Variants in PKP4 observed in about 807,000 individuals in gnomAD.
PKP4 encodes plakophilin-4.
PKP4 carries 90 observed loss-of-function variants against 145.1 expected under a neutral mutation model. The ratio of observed to expected loss-of-function variants is 0.62; its 90% CI spans 0.52 to 0.74. PKP4 has a LOEUF of 0.74. PKP4 is among the 30% of genes least tolerant of loss of function. The pLI is 0.00. For synonymous variants in PKP4, 563 were observed against 577.2 expected (o/e 0.98, Z 0.35); for missense variants, 1,340 against 1,482.7 (o/e 0.90, Z 1.58).
In PKP4 at chr2:158,515,353, G is replaced by T. The variant is rs191807649; in HGVS notation, c.-5-17827G>T. On this transcript the variant is annotated intron_variant, in intron 1 of 21. Coordinates refer to ENST00000389759, the MANE Select transcript of PKP4 (RefSeq NM_003628.6). ...AGAAATTTAAGCCTGGTATGGTGAT[G>T]TGCATCTGTAGTCCCAGCCTACTTG... is the stretch of plus-strand genomic sequence containing the variant. 2.7e-3 allele frequency among the ~76,000 whole-genome samples: 414 copies of T among 152,180 alleles called. 1 individual carries two copies. The highest frequency in any genetic ancestry group is 6.1e-3 in the Admixed American group (94 of 15,286).
chr2:158,640,895 T>C (rs1281742756), intron 10 of PKP4, 136 bp downstream of exon 10: 2 of 895,774 alleles, frequency 2.2e-6, no homozygotes, highest in East Asian at 2.5e-5. Flanking sequence ...CCAGATACTC[T>C]TTCACTTAAC....
chr2:158,666,260 T>G (rs777797424), intron 15 of PKP4, among the ~76,000 whole-genome samples, 153 bp from the exon 16 acceptor site: 11 of 152,248 alleles, frequency 7.2e-5, no homozygotes, highest in Non-Finnish European at 1.5e-4. Flanking sequence ...AACTTTGGTT[T>G]TCTCTTCACT....
chr2:158,611,478 C>T (rs1001224782), intron 4 of PKP4, among the ~76,000 whole-genome samples: 3 of 152,222 alleles, frequency 2.0e-5, no homozygotes, highest in South Asian at 2.1e-4. Context: ...ACATCAATAC[C>T]GAAGATAAAT....
intron 2 of PKP4, among the ~76,000 whole-genome samples, chr2:158,566,366 A>G (rs1332329508): frequency 6.6e-6 from 1 of 152,088 alleles, no homozygotes; most frequent in Admixed American, 6.6e-5. Context: ...TTAGTTTTCC[A>G]TTTCAGCAAA....
intron 2 of PKP4, among the ~76,000 whole-genome samples, chr2:158,537,503 A>G (rs2044152474): frequency 2.0e-5 from 3 of 152,236 alleles, no homozygotes; most frequent in Non-Finnish European, 4.4e-5. Flanking sequence ...GGGAATAACA[A>G]AGTAATGTGA....
intron 3 of PKP4, among the ~76,000 whole-genome samples, chr2:158,583,601 T>C (rs2048525731): frequency 6.6e-6 from 1 of 152,336 alleles, no homozygotes; most frequent in Admixed American, 6.5e-5. Flanking sequence ...CTAGCACTTT[T>C]GGTATACAGT....
chr2:158,526,719 T>G (rs1407691350), intron 1 of PKP4, among the ~76,000 whole-genome samples: 4 of 84,926 alleles, frequency 4.7e-5, no homozygotes, highest in Admixed American at 3.1e-4. Flanking sequence ...ACGACATGAT[T>G]GTTTATCTAG....
At chr2:158,652,028 C>T (rs2055415401) in intron 11 of PKP4, among the ~76,000 whole-genome samples, 1 of 152,114 alleles carries the variant, frequency 6.6e-6, no homozygotes, top group Admixed American at 6.5e-5. Context: ...AGCATCTCTG[C>T]CAGCGCTGTT....
chr2:158,478,074 A>G (rs1692772456), intron 1 of PKP4, among the ~76,000 whole-genome samples: 1 of 152,200 alleles, frequency 6.6e-6, no homozygotes, highest in Admixed American at 6.5e-5. Context: ...GGCAAAGGTT[A>G]GAGATCTTAA....
At chr2:158,570,954 T>C (rs2047367123) in intron 2 of PKP4, among the ~76,000 whole-genome samples, 1 of 152,060 alleles carries the variant, frequency 6.6e-6, no homozygotes, top group African/African-American at 2.4e-5. Context: ...CATAGAGGAT[T>C]CCAGAGAGAA....
chr2:158,514,620 C>G (rs1161856851), intron 1 of PKP4, among the ~76,000 whole-genome samples: 1 of 151,660 alleles, frequency 6.6e-6, no homozygotes, highest in African/African-American at 2.4e-5. Flanking sequence ...GGTTTTTTTT[C>G]TTTTACTCTA....
chr2:158,548,794 C>A, intron 2 of PKP4: 1 of 259,722 alleles, frequency 3.9e-6, no homozygotes, highest in Non-Finnish European at 7.5e-6. Flanking sequence ...AAGAAAGCTG[C>A]CAGCAAAGGG....
At position 158,541,050 on chromosome 2, in the gene PKP4, T is replaced by TGA. The variant is rs796412784; in HGVS notation, c.132+7738_132+7739dup. 5.3e-5 allele frequency among the ~76,000 whole-genome samples: 8 copies of TGA among 152,260 alleles called. No individual in the cohort carries two copies. In the South Asian group the frequency reaches 1.5e-3, roughly 28 times the overall value. ...TGCTGAGTTGATGAGATTAAATGGA[T>TGA]GAGAGGATTATTCAGCATTGAATTC... is the stretch of plus-strand genomic sequence containing the variant. On this transcript the variant is annotated intron_variant, in intron 2 of 21. Coordinates refer to ENST00000389759, the MANE Select transcript of PKP4 (RefSeq NM_003628.6).
chr2:158,488,937 A>T (rs1694549523), intron 1 of PKP4, among the ~76,000 whole-genome samples: 3 of 152,202 alleles, frequency 2.0e-5, no homozygotes, highest in African/African-American at 7.2e-5. Context: ...TGTGTCTTCA[A>T]AAGATGTGTC....
intron 10 of PKP4, among the ~76,000 whole-genome samples, chr2:158,641,038 A>G (rs971070592): frequency 4.6e-5 from 7 of 152,168 alleles, no homozygotes; most frequent in Non-Finnish European, 7.4e-5. Context: ...TTTAACTTGC[A>G]TTTAAAAAAT....
chr2:158,496,288 A>G (rs373774623), intron 1 of PKP4, among the ~76,000 whole-genome samples: 1 of 152,188 alleles, frequency 6.6e-6, no homozygotes, highest in Admixed American at 6.5e-5. Context: ...GCCCAAAAAT[A>G]TTTTAAATAG....
At chr2:158,649,177 A>G (rs2055112151) in intron 11 of PKP4, among the ~76,000 whole-genome samples, 1 of 152,172 alleles carries the variant, frequency 6.6e-6, no homozygotes, top group African/African-American at 2.4e-5. Flanking sequence ...AAAGAACCCT[A>G]AAGAAATCTC....
Position 158,621,043 on chromosome 2 carries a change from A to G in PKP4, c.334A>G (p.Asn112Asp). 2 of 1,614,156 alleles carry G rather than the reference A, an allele frequency of 1.2e-6. No homozygotes were observed. The highest frequency in any genetic ancestry group is 1.3e-5 in the African/African-American group (1 of 75,036). The change falls in exon 5 of 22, where the codon AAC becomes GAC. Residue 112 changes from asparagine to aspartate, a missense_variant. Physicochemically the swap from Asn to Asp is conservative, Grantham distance 23. Coordinates refer to ENST00000389759, the MANE Select transcript of PKP4 (RefSeq NM_003628.6). ...KPRVSDAVQPNNYLIRTEPEQ... is the reference protein window; with the variant it reads ...KPRVSDAVQPDNYLIRTEPEQ... Reference sequence around the variant, plus strand: ...TAGAGTTTCTGACGCTGTCCAGCCCAACAACTATCTCATCAGGACAGAGCC... The same window carrying G: ...TAGAGTTTCTGACGCTGTCCAGCCCGACAACTATCTCATCAGGACAGAGCC...
intron 2 of PKP4, among the ~76,000 whole-genome samples, chr2:158,565,164 T>C (rs993475399): frequency 6.6e-6 from 1 of 152,134 alleles, no homozygotes; most frequent in African/African-American, 2.4e-5. Context: ...AGAGAAAATA[T>C]AAATAGAGTG....
Sources: allele counts gnomAD v4.1 joint callset (sites outside exome capture counted in the v4.1 genomes callset), GRCh38; gene constraint gnomAD v4.1.1; transcripts MANE v1.5; gene names NCBI Gene and HGNC (gene_info 2026-07-23, HGNC 2026-07-21).